Variants in VPS13D observed in about 807,000 individuals in gnomAD.
VPS13D encodes intermembrane lipid transfer protein VPS13D.
Under a neutral mutation model 461.9 loss-of-function variants are expected in VPS13D, and 187 were observed. The ratio of observed to expected loss-of-function variants is 0.40; its 90% CI spans 0.36 to 0.46. VPS13D has a LOEUF of 0.46. VPS13D is among the 20% of genes least tolerant of loss of function. The pLI is 0.60. For synonymous variants in VPS13D, 1,951 were observed against 1,986.3 expected (o/e 0.98, Z 0.47); for missense variants, 4,711 against 5,364.9 (o/e 0.88, Z 3.81).
In VPS13D at chr1:12,502,022, C is replaced by A. The variant is rs1570295317; in HGVS notation, c.12794+4391C>A. ...CACGTGTGGAAAGAAGGAGCAGAGG[C>A]TGGAAGGGTGGGTTCCCAGGCCTGT... On this transcript the variant is annotated intron_variant, in intron 68 of 69. Transcript: ENST00000620676. This position sits in a 1 kb window ranked among gnomAD's most constrained non-coding sequence, Gnocchi z 4.3. Among the ~76,000 whole-genome samples the A allele has an allele frequency of 6.6e-6, 1 of 152,172 alleles. No homozygotes were observed. Among genetic ancestry groups the A allele is most frequent in the African/African-American group, 2.4e-5 (1 of 41,440 alleles).
chr1:12,341,819 C>G lies in VPS13D; in HGVS notation c.8666C>G (p.Pro2889Arg), dbSNP rs771569891. ...KTPKRRQPFVPFALRNHTGCT... is the reference protein window; with the variant it reads ...KTPKRRQPFVRFALRNHTGCT... ...CCCAAGCGCCGGCAGCCATTTGTCC[C>G]CTTTGCTCTGAGGAACCACACGGGG... Residue 2889 changes from proline to arginine, a missense_variant, in exon 41 of 70, where the codon CCC becomes CGC. Around this residue, in one of 3 missense-constraint regions of VPS13D, gnomAD observed 4,411 missense variants for 4,937.8 expected, o/e 0.89. Coordinates refer to ENST00000620676, the MANE Select transcript of VPS13D (RefSeq NM_015378.4). The G allele has an allele frequency of 6.2e-7, 1 of 1,614,024 alleles. No individual in the cohort carries two copies. The highest frequency in any genetic ancestry group is 8.5e-7 in the Non-Finnish European group (1 of 1,179,990).
chr1:12,338,246 A>G lies in VPS13D; in HGVS notation c.8567A>G (p.Tyr2856Cys), dbSNP rs1410729337. 7 of 1,613,534 alleles carry G rather than the reference A, an allele frequency of 4.3e-6. No homozygotes were observed. In the East Asian group the frequency reaches 1.6e-4, roughly 36 times the overall value. Reference sequence around the variant, plus strand: ...TGTCTACCAGGCCTCCCCCTTGTCTACCTTAGAACTAGGAGTACAGCCAGT... The same window carrying G: ...TGTCTACCAGGCCTCCCCCTTGTCTGCCTTAGAACTAGGAGTACAGCCAGT... ...PCFGQSLPLV[Y>C]LRTRSTASLT... The change falls in exon 40 of 70, where the codon TAC becomes TGC. Residue 2856 changes from tyrosine (Y) to cysteine (C), a missense_variant. Physicochemically the swap from Tyr to Cys is radical, Grantham distance 194 (BLOSUM62 -2). Transcript: ENST00000620676.
In VPS13D at chr1:12,299,383, AG is replaced by A; in HGVS notation, c.6216+1del. The A allele has an allele frequency of 1.2e-6, 2 of 1,605,476 alleles. No homozygotes were observed. Among genetic ancestry groups the A allele is most frequent in the Non-Finnish European group, 1.7e-6 (2 of 1,177,238 alleles). On this transcript the variant is annotated frameshift_variant and splice_region_variant, in exon 25 of 70. Transcript: ENST00000620676. LOFTEE classifies it high-confidence loss of function. The surrounding 1 kb of genome is among the most constrained non-coding windows in gnomAD (Gnocchi z 4.2). Reference protein sequence around the residue: ...GFPGTFSLQDKESVPSASPTG... With the variant: ...GFPGTFSLQDXESVPSASPTG... ...CCTGGCACCTTTTCCCTACAAGATA[AG>A]GTGAGCAATCAGTATCCATTTCCTT... is the stretch of plus-strand genomic sequence containing the variant.
At chr1:12,232,847 T>C (rs537219153) in intron 1 of VPS13D, among the ~76,000 whole-genome samples, 28 of 151,970 alleles carry the variant, frequency 1.8e-4, no homozygotes, top group African/African-American at 6.5e-4. Flanking sequence ...TTAAGAACAG[T>C]GATAAAGCAC....
chr1:12,313,299 C>CG (rs1642805235), intron 29 of VPS13D, among the ~76,000 whole-genome samples: 1 of 117,604 alleles, frequency 8.5e-6, no homozygotes, highest in East Asian at 2.3e-4. Context: ...TTATTCTTTC[C>CG]TTTTTTTTTT....
chr1:12,503,661 A>G (rs1309795033), intron 68 of VPS13D, among the ~76,000 whole-genome samples: 1 of 152,126 alleles, frequency 6.6e-6, no homozygotes, highest in South Asian at 2.1e-4. Flanking sequence ...TTCTGGCTGC[A>G]TTTTTTTGCT....
At position 12,260,766 on chromosome 1, in the gene VPS13D, G is replaced by T. The variant is rs750321685; in HGVS notation, c.1184G>T (p.Arg395Leu). The change falls in exon 11 of 70, where the codon CGA becomes CTA. Residue 395 changes from arginine (R) to leucine (L), a missense_variant. Arg to Leu is a moderately radical substitution (Grantham distance 102). This residue lies in a region of VPS13D where 4,411 missense variants were observed against 4,937.8 expected (regional missense o/e 0.89). Transcript: ENST00000620676. ...ATTTTGCGTGAACTGGTTCATGATC[G>T]ATTTCACAAACAGGAAGAACTAGCA... ...LKILRELVHD[R>L]FHKQEELAES... 5.0e-6 allele frequency: 8 copies of T among 1,614,128 alleles called. No individual in the cohort carries two copies. In the Admixed American group the frequency reaches 1.2e-4, roughly 24 times the overall value.
chr1:12,346,218 C>T (rs970078602), intron 43 of VPS13D, among the ~76,000 whole-genome samples: 1 of 152,206 alleles, frequency 6.6e-6, no homozygotes, highest in Non-Finnish European at 1.5e-5. Flanking sequence ...TTAGAAAACA[C>T]TGTTGCACAA....
intron 18 of VPS13D, 63 bp downstream of exon 18, chr1:12,273,198 A>C (rs1274571134): frequency 6.5e-7 from 1 of 1,546,158 alleles, no homozygotes; most frequent in African/African-American, 1.4e-5. Context: ...ATCTATGATT[A>C]TCTAAGTAAA....
chr1:12,381,970 CTTTCTT>C (rs1240805718), intron 57 of VPS13D, among the ~76,000 whole-genome samples: 2 of 131,906 alleles, frequency 1.5e-5, no homozygotes, highest in African/African-American at 5.9e-5. Context: ...TTCTTTCTTT[CTTTCTT>C]TCTTTCTCTC....
intron 62 of VPS13D, chr1:12,402,827 T>C (rs1204315667): frequency 6.6e-6 from 1 of 152,250 alleles, no homozygotes; most frequent in Non-Finnish European, 1.5e-5. Context: ...ATTTAGACTT[T>C]TGTAAAATCC....
At position 12,431,401 on chromosome 1, in the gene VPS13D, C is replaced by G. The variant is rs1644990120; in HGVS notation, c.12333+14574C>G. Among the ~76,000 whole-genome samples, 3 of 149,710 alleles carry G rather than the reference C, an allele frequency of 2.0e-5. No homozygotes were observed. The South Asian group carries it at 6.4e-4, about 32-fold the overall frequency. On this transcript the variant is annotated intron_variant, in intron 65 of 69. Coordinates refer to ENST00000620676, the MANE Select transcript of VPS13D (RefSeq NM_015378.4). ...AGAAACTGAGACCCTGTAAGGTTCT[C>G]AAAGCTAATTAGTCACAGGGCTAGC...
chr1:12,365,732 A>G (rs1260835281), intron 52 of VPS13D, among the ~76,000 whole-genome samples: 3 of 152,044 alleles, frequency 2.0e-5, no homozygotes, highest in African/African-American at 7.2e-5. Flanking sequence ...TCTTTCATCA[A>G]ATGCTTTTGA....
At chr1:12,459,386 G>C (rs1479918776) in intron 66 of VPS13D, among the ~76,000 whole-genome samples, 2 of 152,062 alleles carry the variant, frequency 1.3e-5, no homozygotes, top group African/African-American at 2.4e-5. Flanking sequence ...TAGGATTTTG[G>C]TATCTGCAGG....
chr1:12,403,549 G>A (rs1644608226), intron 62 of VPS13D, among the ~76,000 whole-genome samples: 1 of 152,202 alleles, frequency 6.6e-6, no homozygotes, highest in Non-Finnish European at 1.5e-5. Context: ...TTTCCATCTG[G>A]ATGATTTTTT....
In VPS13D at chr1:12,248,325, G is replaced by GTTA. The variant is rs753982925; in HGVS notation, c.448-874_448-872dup. On this transcript the variant is annotated intron_variant, in intron 5 of 69. Coordinates refer to ENST00000620676, the MANE Select transcript of VPS13D (RefSeq NM_015378.4). Reference sequence around the variant, plus strand: ...TCTGTGGATTGTCTTTTTACTTTCTGTTATTATTATTATTATTATTATTAT... The same window carrying GTTA: ...TCTGTGGATTGTCTTTTTACTTTCTGTTATTATTATTATTATTATTATTATTAT... Among the ~76,000 whole-genome samples, 1,458 of 150,814 alleles carry GTTA rather than the reference G, an allele frequency of 9.7e-3. 14 individuals are homozygous for GTTA. Among genetic ancestry groups the GTTA allele is most frequent in the African/African-American group, 0.024 (981 of 41,154 alleles).
intron 7 of VPS13D, among the ~76,000 whole-genome samples, chr1:12,255,484 G>A (rs1288620690): frequency 2.0e-5 from 3 of 152,122 alleles, no homozygotes; most frequent in Non-Finnish European, 2.9e-5. Context: ...AGAAGCTGAT[G>A]TCGTTGGTTG....
chr1:12,342,325 A>G (rs1643587717), intron 41 of VPS13D, among the ~76,000 whole-genome samples: 1 of 152,212 alleles, frequency 6.6e-6, no homozygotes, highest in Non-Finnish European at 1.5e-5. Context: ...AACGCACTTC[A>G]ACCCAGATGG....
At chr1:12,307,308 AGGGGCGGG>A (rs1642594707) in intron 26 of VPS13D, among the ~76,000 whole-genome samples, 2 of 152,102 alleles carry the variant, frequency 1.3e-5, no homozygotes, top group Non-Finnish European at 2.9e-5. Flanking sequence ...TTTAGATGAG[AGGGGCGGG>A]CCATGCCACC....
Sources: allele counts gnomAD v4.1 joint callset (sites outside exome capture counted in the v4.1 genomes callset), GRCh38; gene constraint gnomAD v4.1.1; regional missense constraint gnomAD v4.1.1; non-coding constraint Gnocchi (gnomAD v3.1); transcripts MANE v1.5; gene names NCBI Gene and HGNC (gene_info 2026-07-23, HGNC 2026-07-21).